Variants in FCHSD2 observed in about 807,000 individuals in gnomAD.
FCHSD2 encodes F-BAR and double SH3 domains protein 2.
Under a neutral mutation model 108.1 loss-of-function variants are expected in FCHSD2, and 38 were observed. That is an observed-to-expected ratio of 0.35 (90% CI 0.27 to 0.46). The LOEUF (loss-of-function observed/expected upper bound fraction) is 0.46. Among genes scored for constraint, FCHSD2 ranks in the 20% least tolerant of loss-of-function variants. The pLI, the probability that FCHSD2 is intolerant of heterozygous loss-of-function variation, is 1.00. For synonymous variants in FCHSD2, 279 were observed against 314.7 expected (o/e 0.89, Z 1.20); for missense variants, 751 against 897.8 (o/e 0.84, Z 2.09).
intron 4 of FCHSD2, among the ~76,000 whole-genome samples, chr11:73,013,885 T>C (rs920804971): frequency 4.6e-5 from 7 of 152,166 alleles, no homozygotes; most frequent in Non-Finnish European, 8.8e-5. Context: ...AGCACTGGGA[T>C]TGCAGGCATG....
intron 13 of FCHSD2, among the ~76,000 whole-genome samples, chr11:72,866,266 G>T (rs1418562958): frequency 2.0e-5 from 3 of 151,510 alleles, no homozygotes; most frequent in Non-Finnish European, 4.4e-5. Flanking sequence ...TTTTTGTTTT[G>T]TTTTGTTTTT....
chr11:72,995,578 C>T (rs1221003276), intron 5 of FCHSD2, among the ~76,000 whole-genome samples: 2 of 151,836 alleles, frequency 1.3e-5, no homozygotes, highest in East Asian at 1.9e-4. Context: ...GTGGCAAGCA[C>T]CTGTAGTCCC....
At chr11:73,139,173 T>C (rs1364922208) in intron 2 of FCHSD2, among the ~76,000 whole-genome samples, 2 of 152,160 alleles carry the variant, frequency 1.3e-5, no homozygotes, top group Non-Finnish European at 2.9e-5. Context: ...TCCAAACACA[T>C]AATTTTATCA....
intron 3 of FCHSD2, among the ~76,000 whole-genome samples, chr11:73,069,310 CAAA>C (rs369961395): frequency 2.2e-5 from 1 of 45,982 alleles, no homozygotes; most frequent in African/African-American, 8.5e-5. Flanking sequence ...AACTCTGTCT[CAAA>C]AAAAAAAAAA....
intron 5 of FCHSD2, among the ~76,000 whole-genome samples, chr11:72,991,370 G>T (rs1204438364): frequency 6.6e-6 from 1 of 152,170 alleles, no homozygotes; most frequent in Non-Finnish European, 1.5e-5. Context: ...TATGAGGCCA[G>T]CATCATCCTG....
Position 73,126,339 on chromosome 11 carries a change from TAAAAAAAAAAAA to T in FCHSD2, c.119+13680_119+13691del, listed in dbSNP as rs61586562. Among the ~76,000 whole-genome samples the T allele has an allele frequency of 1.6e-3, 43 of 27,660 alleles. 1 individual carries two copies. In the East Asian group the frequency reaches 0.023, roughly 15 times the overall value. 18.1% of individuals were successfully genotyped at this position (27,660 alleles called of 152,430 possible). On this transcript the variant is annotated intron_variant, in intron 2 of 19. Transcript: ENST00000409418. Reference sequence around the variant, plus strand: ...TGGGCAACAGGGCAAGATTCCATCTTAAAAAAAAAAAAAAAAAAAAAAAAAAAAAAATTCCAC... The same window carrying T: ...TGGGCAACAGGGCAAGATTCCATCTTAAAAAAAAAAAAAAAAAAATTCCAC...
At chr11:72,910,532 C>T (rs1329339167) in intron 9 of FCHSD2, among the ~76,000 whole-genome samples, 3 of 152,082 alleles carry the variant, frequency 2.0e-5, no homozygotes, top group Non-Finnish European at 4.4e-5. Context: ...ACCCCCAACC[C>T]CATGCTCTTT....
chr11:72,904,778 T>C (rs1339312551), intron 9 of FCHSD2, among the ~76,000 whole-genome samples: 1 of 152,242 alleles, frequency 6.6e-6, no homozygotes. Context: ...TTTCTTTTCA[T>C]ATACTAGTTT....
intron 5 of FCHSD2, among the ~76,000 whole-genome samples, chr11:72,999,686 G>A (rs1490227797): frequency 6.6e-6 from 1 of 152,190 alleles, no homozygotes; most frequent in Non-Finnish European, 1.5e-5. Context: ...ATCAATGGAA[G>A]AGAAAAGCAC....
rs1399364413 is a variant in FCHSD2, at chr11:73,001,145, A to C, written c.243-11T>G. 1 of 1,611,562 alleles carries C rather than the reference A, an allele frequency of 6.2e-7. No homozygotes were observed. ...ACGGGATACATGCTCCTAAATTCAA[A>C]GAGGGATAGAAAAGCATTAGGCAGG... On this transcript the variant is annotated splice_polypyrimidine_tract_variant and intron_variant, in intron 4 of 19. Coordinates refer to ENST00000409418, the MANE Select transcript of FCHSD2 (RefSeq NM_014824.3).
intron 2 of FCHSD2, among the ~76,000 whole-genome samples, chr11:73,105,396 AC>A (rs910460343): frequency 3.2e-4 from 49 of 152,330 alleles, no homozygotes; most frequent in African/African-American, 1.2e-3. Flanking sequence ...TATATAAGAC[AC>A]CACCATGCCC....
intron 2 of FCHSD2, among the ~76,000 whole-genome samples, chr11:73,090,634 C>T (rs1859934631): frequency 6.6e-6 from 1 of 152,180 alleles, no homozygotes; most frequent in African/African-American, 2.4e-5. Context: ...TAAAATATTA[C>T]ATGAGACTAG....
chr11:72,930,148 A>T (rs1226691916), intron 8 of FCHSD2, among the ~76,000 whole-genome samples: 1 of 152,208 alleles, frequency 6.6e-6, no homozygotes, highest in Non-Finnish European at 1.5e-5. Context: ...AGGAGGAAAA[A>T]GCACTTAGGG....
chr11:72,952,093 T>C (rs1263079254), intron 8 of FCHSD2, among the ~76,000 whole-genome samples: 3 of 152,142 alleles, frequency 2.0e-5, no homozygotes, highest in African/African-American at 7.2e-5. Context: ...GAAGACAAGA[T>C]TAGACAGGAA....
intron 2 of FCHSD2, among the ~76,000 whole-genome samples, chr11:73,099,269 A>T (rs1031717194): frequency 6.8e-6 from 1 of 147,430 alleles, no homozygotes; most frequent in Admixed American, 6.7e-5. Flanking sequence ...TGGCTGTAAA[A>T]CAACACAAAA....
intron 3 of FCHSD2, chr11:73,077,684 A>C (rs1202341385): frequency 1.0e-5 from 4 of 397,352 alleles, no homozygotes; most frequent in Non-Finnish European, 1.9e-5. Context: ...CACAGCAATA[A>C]AAAGAAATGA....
intron 2 of FCHSD2, among the ~76,000 whole-genome samples, chr11:73,093,092 T>C (rs1162875981): frequency 1.3e-5 from 2 of 152,108 alleles, no homozygotes; most frequent in African/African-American, 4.8e-5. Flanking sequence ...TGAACCGCAA[T>C]AAAAACTGCA....
chr11:72,837,740 G>A lies in FCHSD2; in HGVS notation c.*1051C>T, dbSNP rs932931740. 6.6e-6 allele frequency: 1 copy of A among 152,224 alleles called. No individual in the cohort carries two copies. The highest frequency in any genetic ancestry group is 1.5e-5 in the Non-Finnish European group (1 of 68,056). 9.4% of individuals were successfully genotyped at this position (152,224 alleles called of 1,614,324 possible). ...GCTGGTTTCCTCCACGAGCCACCAG[G>A]TTCTTCCTTCCACGGAAATGTCAGG... On this transcript the variant is annotated 3_prime_UTR_variant, in exon 20 of 20. Coordinates refer to ENST00000409418, the MANE Select transcript of FCHSD2 (RefSeq NM_014824.3).
chr11:73,104,565 C>T (rs1860296231), intron 2 of FCHSD2, among the ~76,000 whole-genome samples: 1 of 150,782 alleles, frequency 6.6e-6, no homozygotes. Context: ...CTGGCCAAAA[C>T]TTTACTTACT....
Sources: allele counts gnomAD v4.1 joint callset (sites outside exome capture counted in the v4.1 genomes callset), GRCh38; gene constraint gnomAD v4.1.1; transcripts MANE v1.5; gene names NCBI Gene and HGNC (gene_info 2026-07-23, HGNC 2026-07-21).